EPHB1: variants seen among roughly 807,000 people sequenced by gnomAD.
The protein encoded by EPHB1 is ephrin type-B receptor 1.
In EPHB1, 30 loss-of-function variants were observed where a neutral mutation model predicts 94.4. The ratio of observed to expected loss-of-function variants is 0.32; its 90% CI spans 0.24 to 0.43. EPHB1 has a LOEUF of 0.43. Among genes scored for constraint, EPHB1 ranks in the 20% least tolerant of loss-of-function variants. EPHB1 has a pLI of 1.00. For synonymous variants in EPHB1, 522 were observed against 489.1 expected, an observed-to-expected ratio of 1.07 and a Z score of -0.89; for missense variants, 1,055 against 1,308.3, an observed-to-expected ratio of 0.81 and a Z score of 2.99.
At chr3:134,855,979 A>C (rs1027363295) in intron 1 of EPHB1, among the ~76,000 whole-genome samples, 14 of 152,202 alleles carry the variant, frequency 9.2e-5, no homozygotes, top group African/African-American at 3.1e-4. Context: ...TAGCTACTAA[A>C]GGGTGGAGTC....
chr3:134,999,808 G>A (rs529358927), intron 3 of EPHB1, among the ~76,000 whole-genome samples: 1 of 152,314 alleles, frequency 6.6e-6, no homozygotes, highest in Admixed American at 6.5e-5. Flanking sequence ...TGACTCTGTG[G>A]TAACATTGAC....
At chr3:134,969,080 C>T (rs927860731) in intron 3 of EPHB1, among the ~76,000 whole-genome samples, 1 of 152,274 alleles carries the variant, frequency 6.6e-6, no homozygotes, top group South Asian at 2.1e-4. Flanking sequence ...GTATGTTTAA[C>T]TGCTAGATCA....
intron 3 of EPHB1, among the ~76,000 whole-genome samples, chr3:134,960,281 C>T (rs1933462339): frequency 6.6e-6 from 1 of 152,128 alleles, no homozygotes; most frequent in Non-Finnish European, 1.5e-5. Flanking sequence ...GCACCTCAAA[C>T]ACTGGCAAAC....
chr3:134,804,013 A>T (rs574116111), intron 1 of EPHB1, among the ~76,000 whole-genome samples: 8 of 140,860 alleles, frequency 5.7e-5, no homozygotes, highest in African/African-American at 2.2e-4. Context: ...TCCCTGTTAC[A>T]CATTGCCTTT....
chr3:134,871,870 C>A (rs1278968669), intron 1 of EPHB1, among the ~76,000 whole-genome samples: 1 of 152,182 alleles, frequency 6.6e-6, no homozygotes, highest in Non-Finnish European at 1.5e-5. Flanking sequence ...GTTCTAGCCT[C>A]CAAACAAGGG....
intron 1 of EPHB1, among the ~76,000 whole-genome samples, chr3:134,889,890 G>C (rs539988997): frequency 8.6e-5 from 13 of 151,742 alleles, no homozygotes; most frequent in African/African-American, 3.1e-4. Flanking sequence ...GTGTTAGCCA[G>C]GATGGTCTCA....
intron 3 of EPHB1, among the ~76,000 whole-genome samples, chr3:135,093,458 C>T (rs552983052): frequency 6.6e-6 from 1 of 152,316 alleles, no homozygotes; most frequent in Non-Finnish European, 1.5e-5. Context: ...TGGCCCACAC[C>T]TGTAATCCCG....
intron 3 of EPHB1, among the ~76,000 whole-genome samples, chr3:134,971,364 G>C (rs1933963843): frequency 6.6e-6 from 1 of 152,182 alleles, no homozygotes; most frequent in Non-Finnish European, 1.5e-5. Flanking sequence ...TTCTGCCCTT[G>C]GTCTTTCCAG....
chr3:134,830,176 A>G (rs966708827), intron 1 of EPHB1, among the ~76,000 whole-genome samples: 98 of 152,176 alleles, frequency 6.4e-4, no homozygotes, highest in African/African-American at 2.1e-3. Context: ...ATATACATGT[A>G]ATTGTTCTTT....
At chr3:134,804,411 G>A (rs932205817) in intron 1 of EPHB1, among the ~76,000 whole-genome samples, 4 of 139,108 alleles carry the variant, frequency 2.9e-5, no homozygotes, top group Admixed American at 7.7e-5. Flanking sequence ...ACAACACATG[G>A]GAAATCTGGG....
At chr3:135,070,012 T>C (rs1443241425) in intron 3 of EPHB1, among the ~76,000 whole-genome samples, 1 of 152,134 alleles carries the variant, frequency 6.6e-6, no homozygotes, top group Non-Finnish European at 1.5e-5. Flanking sequence ...CCTGAATCTA[T>C]AGAAGGGGGA....
At chr3:134,842,926 T>C (rs1383647429) in intron 1 of EPHB1, among the ~76,000 whole-genome samples, 1 of 152,256 alleles carries the variant, frequency 6.6e-6, no homozygotes, top group Admixed American at 6.5e-5. Context: ...ATAATTGTAT[T>C]ACTTTTAAGG....
chr3:135,221,379 T>G (rs891009934), intron 12 of EPHB1, among the ~76,000 whole-genome samples: 1 of 152,250 alleles, frequency 6.6e-6, no homozygotes, highest in Non-Finnish European at 1.5e-5. Flanking sequence ...AACCTCATTA[T>G]TCATTTTTGT....
At chr3:135,018,887 C>T (rs1300240163) in intron 3 of EPHB1, among the ~76,000 whole-genome samples, 1 of 152,160 alleles carries the variant, frequency 6.6e-6, no homozygotes, top group Non-Finnish European at 1.5e-5. Context: ...CTCATTTACT[C>T]CTCAATGCTG....
intron 12 of EPHB1, among the ~76,000 whole-genome samples, chr3:135,224,317 C>T (rs748885100): frequency 9.2e-5 from 14 of 152,318 alleles, no homozygotes; most frequent in Non-Finnish European, 1.6e-4. Flanking sequence ...ATACAAGTCA[C>T]CTTTTTTCAT....
chr3:134,911,528 G>A (rs1240369531), intron 1 of EPHB1, among the ~76,000 whole-genome samples: 3 of 152,152 alleles, frequency 2.0e-5, no homozygotes, highest in Non-Finnish European at 4.4e-5. Flanking sequence ...TAGAAGTCTG[G>A]GGGCTGCAGT....
intron 12 of EPHB1, among the ~76,000 whole-genome samples, chr3:135,215,310 T>G (rs2107717601): frequency 6.6e-6 from 1 of 152,186 alleles, no homozygotes; most frequent in East Asian, 1.9e-4. Flanking sequence ...ATTACAGGCA[T>G]GCGCCTCCAT....
chr3:135,230,255 A>G (rs562168633), intron 12 of EPHB1, among the ~76,000 whole-genome samples: 15 of 152,164 alleles, frequency 9.9e-5, no homozygotes, highest in African/African-American at 2.7e-4. Context: ...CCTGTCACCC[A>G]GAGGGCCTAG....
At chr3:135,251,368 C>T (rs920829003) in intron 15 of EPHB1, among the ~76,000 whole-genome samples, 22 of 152,174 alleles carry the variant, frequency 1.4e-4, no homozygotes, top group Non-Finnish European at 2.9e-4. Flanking sequence ...AGACTGGCTA[C>T]TCCCATTTTC....
Sources: allele counts gnomAD v4.1 joint callset (sites outside exome capture counted in the v4.1 genomes callset), GRCh38; gene constraint gnomAD v4.1.1; transcripts MANE v1.5; gene names NCBI Gene and HGNC (gene_info 2026-07-23, HGNC 2026-07-21).